The following CPS1 variants were observed in gnomAD, a reference collection of about 807,000 sequenced individuals.
CPS1 encodes the protein carbamoyl-phosphate synthase 1, also known as carbamoyl-phosphate synthase [ammonia], mitochondrial.
CPS1 carries 109 observed loss-of-function variants against 174.6 expected under a neutral mutation model. That is an observed-to-expected ratio of 0.62 (90% CI 0.53 to 0.73). The LOEUF is 0.73. Among genes scored for constraint, CPS1 ranks in the 30% least tolerant of loss-of-function variants. The pLI is 0.00. For synonymous variants in CPS1, 637 were observed against 632.0 expected (o/e 1.01, Z -0.12); for missense variants, 1,689 against 1,821.9 (o/e 0.93, Z 1.33).
chr2:210,630,871 G>A (rs376897233), intron 21 of CPS1, among the ~76,000 whole-genome samples: 36 of 152,162 alleles, frequency 2.4e-4, no homozygotes, highest in Middle Eastern at 3.4e-3. Flanking sequence ...CCCGTGAAAC[G>A]CCAAAAATAA....
intron 1 of CPS1, among the ~76,000 whole-genome samples, chr2:210,491,272 T>C (rs1223996615): frequency 1.3e-5 from 2 of 149,816 alleles, no homozygotes; most frequent in African/African-American, 4.9e-5. Context: ...TATTTTGAAA[T>C]GTTCTGGTTG....
intron 21 of CPS1, among the ~76,000 whole-genome samples, chr2:210,625,516 C>A (rs1574609900): frequency 6.6e-6 from 1 of 152,000 alleles, no homozygotes; most frequent in Non-Finnish European, 1.5e-5. Flanking sequence ...AATGATGACT[C>A]AGAATGTTTA....
At chr2:210,523,359 T>C (rs1323274798) in intron 1 of CPS1, among the ~76,000 whole-genome samples, 1 of 152,046 alleles carries the variant, frequency 6.6e-6, no homozygotes, top group Non-Finnish European at 1.5e-5. Flanking sequence ...GCACACTTTA[T>C]TAATTTTTTT....
chr2:210,569,014 A>G (rs7583733), intron 1 of CPS1, among the ~76,000 whole-genome samples: 77,309 of 151,706 alleles, frequency 0.51, 20,047 homozygotes, highest in Middle Eastern at 0.6. Flanking sequence ...TTAATCATTT[A>G]GAAACATTCT....
At chr2:210,524,035 A>G (rs1422841497) in intron 1 of CPS1, among the ~76,000 whole-genome samples, 1 of 152,014 alleles carries the variant, frequency 6.6e-6, no homozygotes, top group Admixed American at 6.6e-5. Context: ...ATATTAATAA[A>G]ACAGCATATG....
At chr2:210,575,897 G>A (rs554474580) in intron 2 of CPS1, among the ~76,000 whole-genome samples, 1 of 151,936 alleles carries the variant, frequency 6.6e-6, no homozygotes, top group Admixed American at 6.6e-5. Flanking sequence ...AAAATATCAA[G>A]AAAAACTTTT....
At chr2:210,507,377 G>A (rs1359905045) in intron 1 of CPS1, among the ~76,000 whole-genome samples, 2 of 152,098 alleles carry the variant, frequency 1.3e-5, no homozygotes, top group African/African-American at 2.4e-5. Flanking sequence ...CCTGAAGGAA[G>A]CACTAAACAT....
chr2:210,515,832 T>C (rs1401720481), intron 1 of CPS1, among the ~76,000 whole-genome samples: 3 of 151,900 alleles, frequency 2.0e-5, no homozygotes, highest in Non-Finnish European at 2.9e-5. Flanking sequence ...GAGGTGGGTA[T>C]TTAGTGCTAT....
Position 210,678,394 on chromosome 2 carries a change from G to A in CPS1, c.*409G>A. The A allele has an allele frequency of 4.6e-6, 1 of 218,004 alleles. No homozygotes were observed. Among genetic ancestry groups the A allele is most frequent in the South Asian group, 6.7e-5 (1 of 14,872 alleles). The allele number at this position is 218,004 out of a possible 1,614,324, so 13.5% of individuals were successfully genotyped here. ...CTGCAAACTCAGGACACTTTAACAG[G>A]GCAGAATACTCTAAAAACTTGATAA... On this transcript the variant is annotated 3_prime_UTR_variant, in exon 38 of 38. Coordinates refer to ENST00000233072, the MANE Select transcript of CPS1 (RefSeq NM_001875.5).
At chr2:210,531,347 G>A (rs1408868831) in intron 1 of CPS1, among the ~76,000 whole-genome samples, 2 of 152,086 alleles carry the variant, frequency 1.3e-5, no homozygotes, top group African/African-American at 4.8e-5. Flanking sequence ...ATTTAGCATC[G>A]TGTAATGGTC....
chr2:210,668,076 A>ATGTGTGTGTGTGTG (rs3217217), intron 33 of CPS1, 110 bp from the exon 34 acceptor site: 47 of 664,064 alleles, frequency 7.1e-5, no homozygotes, highest in African/African-American at 6.8e-4. Flanking sequence ...TTGTGCGTGC[A>ATGTGTGTGTGTGTG]TGTGTGTGTG....
intron 24 of CPS1, among the ~76,000 whole-genome samples, chr2:210,641,599 A>C (rs1700227096): frequency 6.6e-6 from 1 of 152,142 alleles, no homozygotes; most frequent in Non-Finnish European, 1.5e-5. Context: ...AAATAGCCTG[A>C]CCATTTCACC....
intron 1 of CPS1, among the ~76,000 whole-genome samples, chr2:210,487,246 C>A (rs1421831877): frequency 2.6e-5 from 4 of 152,196 alleles, no homozygotes; most frequent in Admixed American, 1.3e-4. Flanking sequence ...CCGGAGTGCT[C>A]ACCCCACCCT....
intron 1 of CPS1, among the ~76,000 whole-genome samples, chr2:210,563,927 A>G (rs1019096637): frequency 2.0e-5 from 3 of 152,162 alleles, no homozygotes; most frequent in African/African-American, 4.8e-5. Context: ...ATTCTGGAAA[A>G]CACTTTGAAA....
intron 21 of CPS1, among the ~76,000 whole-genome samples, chr2:210,632,188 A>C (rs558693889): frequency 6.6e-6 from 1 of 152,316 alleles, no homozygotes; most frequent in South Asian, 2.1e-4. Context: ...AGTTTGATCA[A>C]AAAAACAAAA....
chr2:210,516,503 C>T (rs1341116532), intron 1 of CPS1, among the ~76,000 whole-genome samples: 5 of 151,872 alleles, frequency 3.3e-5, no homozygotes, highest in African/African-American at 1.2e-4. Flanking sequence ...CCTCTGACCA[C>T]ATTCCTATGT....
intron 1 of CPS1, among the ~76,000 whole-genome samples, chr2:210,486,623 G>T (rs1170735481): frequency 6.6e-6 from 1 of 152,188 alleles, no homozygotes; most frequent in Non-Finnish European, 1.5e-5. Flanking sequence ...CGATTCTCCT[G>T]CCTCAGCCTC....
At chr2:210,506,040 G>C (rs1422333049) in intron 1 of CPS1, among the ~76,000 whole-genome samples, 1 of 152,126 alleles carries the variant, frequency 6.6e-6, no homozygotes, top group East Asian at 1.9e-4. Flanking sequence ...AGAGAGTAGT[G>C]GTTCTCCCAG....
chr2:210,561,097 T>G (rs747096717), intron 1 of CPS1, among the ~76,000 whole-genome samples: 1 of 152,142 alleles, frequency 6.6e-6, no homozygotes, highest in Non-Finnish European at 1.5e-5. Flanking sequence ...ATCCCCAATT[T>G]TCTAAAATAT....
Sources: gnomAD v4.1 joint callset for allele counts (sites outside exome capture counted in the v4.1 genomes callset) on GRCh38, gnomAD v4.1.1 for gene constraint, MANE v1.5 for transcripts, NCBI Gene and HGNC (gene_info 2026-07-23, HGNC 2026-07-21) for gene names.